Variants in ZNF232 observed in about 807,000 individuals in gnomAD.
ZNF232 encodes zinc finger and SCAN domain-containing protein 11.
Under a neutral mutation model 25.2 loss-of-function variants are expected in ZNF232, and 25 were observed. The observed-to-expected ratio is 0.99, with a 90% CI of 0.72 to 1.39. The LOEUF (loss-of-function observed/expected upper bound fraction) is 1.39, where lower values mean the gene tolerates loss of function less well. ZNF232 is among the 40% of genes most tolerant of loss of function. ZNF232 has a pLI of 0.00. For synonymous variants in ZNF232, 193 were observed against 182.9 expected, an observed-to-expected ratio of 1.06 and a Z score of -0.45; for missense variants, 519 against 520.9, an observed-to-expected ratio of 1.00 and a Z score of 0.04.
intron 1 of ZNF232, 112 bp downstream of exon 1, chr17:5,111,688 C>G: frequency 3.8e-6 from 6 of 1,565,930 alleles, no homozygotes; most frequent in Non-Finnish European, 5.2e-6. Context: ...TCTCCACACA[C>G]AACCGCGGAG....
intron 1 of ZNF232, chr17:5,120,582 C>T: frequency 2.8e-6 from 1 of 360,728 alleles, no homozygotes; most frequent in Non-Finnish European, 5.4e-6. Context: ...CAGGGTCTTT[C>T]CCCAGGATGG....
At chr17:5,106,416 T>A (rs1161515908) in exon 4 of ZNF232, 1 of 1,614,072 alleles carries the variant, frequency 6.2e-7, no homozygotes, top group African/African-American at 1.3e-5. Flanking sequence ...AGTAGCAAGT[T>A]TTTCTGAGAA....
chr17:5,120,230 G>T (rs950256330), intron 1 of ZNF232, among the ~76,000 whole-genome samples: 6 of 152,138 alleles, frequency 3.9e-5, no homozygotes, highest in Non-Finnish European at 8.8e-5. Flanking sequence ...TGACACCAAC[G>T]TAGGGTTGCT....
chr17:5,110,894 C>A (rs562287275), intron 1 of ZNF232, among the ~76,000 whole-genome samples: 25 of 152,200 alleles, frequency 1.6e-4, no homozygotes, highest in African/African-American at 6.0e-4. Context: ...GGGGAGAAAG[C>A]TGGCAGGAGG....
intron 1 of ZNF232, among the ~76,000 whole-genome samples, chr17:5,122,823 C>T (rs1490098031): frequency 2.0e-5 from 3 of 152,222 alleles, no homozygotes; most frequent in Non-Finnish European, 4.4e-5. Context: ...GCGGAGAGCG[C>T]ACTGAGCTCT....
chr17:5,121,916 C>G (rs2072680372), intron 1 of ZNF232, among the ~76,000 whole-genome samples: 1 of 152,090 alleles, frequency 6.6e-6, no homozygotes, highest in South Asian at 2.1e-4. Context: ...GATTGAGGAG[C>G]CTTGAATGCC....
chr17:5,111,851 AC>A (rs1206175842), upstream of ZNF232: 1 of 1,613,594 alleles, frequency 6.2e-7, no homozygotes, highest in South Asian at 1.1e-5. Flanking sequence ...CGCGCCACTT[AC>A]AGCCCTCACC....
intron 1 of ZNF232, 67 bp from the exon 2 acceptor site, chr17:5,109,935 G>A (rs2072359464): frequency 2.8e-6 from 4 of 1,447,198 alleles, no homozygotes; most frequent in Non-Finnish European, 2.8e-6. Flanking sequence ...TGTTACCCAG[G>A]CTGGAGTGCA....
chr17:5,122,202 G>A (rs1313476862), intron 1 of ZNF232, among the ~76,000 whole-genome samples: 1 of 152,048 alleles, frequency 6.6e-6, no homozygotes, highest in Non-Finnish European at 1.5e-5. Flanking sequence ...GCTCAAAACA[G>A]CAGGACTGGA....
upstream of ZNF232, chr17:5,112,053 G>A (rs1360401576): frequency 1.6e-6 from 1 of 618,822 alleles, no homozygotes. Context: ...GACTGGACTG[G>A]AGCGGCCGGG....
At chr17:5,112,153 C>T, upstream of ZNF232, 1 of 444,206 alleles carries the variant, frequency 2.3e-6, no homozygotes, top group Non-Finnish European at 4.0e-6. Flanking sequence ...TGGGGGGTCT[C>T]TTGTGGAATT....
In ZNF232 at chr17:5,107,917, A is replaced by AT. The variant is rs760441947; in HGVS notation, c.625+1008_625+1009insA. On this transcript the variant is annotated intron_variant, in intron 3 of 3. Coordinates refer to ENST00000575898, the Ensembl canonical transcript of ZNF232. ...AATCTGAAATATGCTTGCTATATATAAAAAAAAAATCACACAATAGCTAGC... is the reference window on the plus strand; with the variant it reads ...AATCTGAAATATGCTTGCTATATATATAAAAAAAAATCACACAATAGCTAGC... Among the ~76,000 whole-genome samples the AT allele has an allele frequency of 1.9e-4, 21 of 108,118 alleles. No individual in the cohort carries two copies. In the East Asian group the frequency reaches 5.0e-3, roughly 26 times the overall value. 70.9% of individuals were successfully genotyped at this position (108,118 alleles called of 152,430 possible).
intron 3 of ZNF232, among the ~76,000 whole-genome samples, chr17:5,108,502 G>T (rs1056841135): frequency 6.6e-6 from 1 of 151,602 alleles, no homozygotes; most frequent in Admixed American, 6.6e-5. Context: ...AAAGTGTTTT[G>T]CGAGGCCTCA....
At chr17:5,113,517 C>G (rs2143645429), upstream of ZNF232, 1 of 152,352 alleles carries the variant, frequency 6.6e-6, no homozygotes, top group African/African-American at 2.4e-5. Context: ...ATCACAACTT[C>G]TACTTTTACA....
rs370687617 is a variant in ZNF232 at position 5,110,076 on chromosome 17, G to C, written c.24-208C>G. Among the ~76,000 whole-genome samples the C allele has an allele frequency of 2.0e-5, 3 of 152,180 alleles. No homozygotes were observed. In the East Asian group the frequency reaches 5.8e-4, roughly 29 times the overall value. Reference sequence around the variant, plus strand: ...AGCTAATTTTTTTGTATTTTTAGTAGGGACGGGGTTTTGCCATATTGGCCA... The same window carrying C: ...AGCTAATTTTTTTGTATTTTTAGTACGGACGGGGTTTTGCCATATTGGCCA... On this transcript the variant is annotated intron_variant, in intron 1 of 3. Transcript: ENST00000575898.
chr17:5,115,685 A>G (rs529819182), upstream of ZNF232, among the ~76,000 whole-genome samples: 1 of 152,208 alleles, frequency 6.6e-6, no homozygotes, highest in South Asian at 2.1e-4. Flanking sequence ...CCCCGGAGAA[A>G]TTTCGTTTTT....
chr17:5,110,606 A>T (rs1023818060), intron 1 of ZNF232, among the ~76,000 whole-genome samples: 4 of 152,206 alleles, frequency 2.6e-5, no homozygotes, highest in Non-Finnish European at 5.9e-5. Context: ...AGTAGTAGCT[A>T]CAGCAAAAGA....
At position 5,109,011 on chromosome 17, in the gene ZNF232, C is replaced by T; in HGVS notation, c.540G>A (p.Trp180Ter). The change falls in exon 3 of 4, where the codon TGG becomes TGA. Residue 180 changes from tryptophan to a stop codon, truncating the protein, a stop_gained. Transcript: ENST00000575898. LOFTEE classifies it high-confidence loss of function. The stretch of plus-strand genomic sequence containing the variant: ...CTGCTCCCAGAGATTCCTTCTTCTC[C>T]CATGGCTCTTCCTGTGCAGGTCCAT... 1.9e-6 allele frequency: 3 copies of T among 1,614,140 alleles called. No individual in the cohort carries two copies. Among genetic ancestry groups the T allele is most frequent in the Non-Finnish European group, 2.5e-6 (3 of 1,180,006 alleles).
chr17:5,110,850 T>A (rs60449168), intron 1 of ZNF232, among the ~76,000 whole-genome samples: 34,266 of 152,022 alleles, frequency 0.23, 4,939 homozygotes, highest in East Asian at 0.66. Flanking sequence ...GCTCGCACTT[T>A]TACCAAAGAG....
Sources: gnomAD v4.1 joint callset for allele counts (sites outside exome capture counted in the v4.1 genomes callset) on GRCh38, gnomAD v4.1.1 for gene constraint, MANE v1.5 for transcripts, NCBI Gene and HGNC (gene_info 2026-07-23, HGNC 2026-07-21) for gene names.